SHISA9: variants seen among roughly 807,000 people sequenced by gnomAD.
SHISA9 encodes protein shisa-9.
SHISA9 carries 13 observed loss-of-function variants against 38.0 expected under a neutral mutation model. The observed-to-expected ratio is 0.34, with a 90% CI of 0.22 to 0.54. The LOEUF is 0.54. Ranked by LOEUF, SHISA9 falls within the 20% of genes least tolerant of loss-of-function variation. The probability of loss-of-function intolerance (pLI) is 0.91; values close to 1 mark genes in which losing one functional copy is unlikely to be tolerated. For synonymous variants in SHISA9, 275 were observed against 242.0 expected (o/e 1.14, Z -1.27); for missense variants, 538 against 575.8 (o/e 0.93, Z 0.67).
intron 2 of SHISA9, among the ~76,000 whole-genome samples, chr16:12,919,826 G>A (rs2071304972): frequency 6.6e-6 from 1 of 152,206 alleles, no homozygotes; most frequent in African/African-American, 2.4e-5. Context: ...TATTTAGTCT[G>A]ATAATCAAAA....
chr16:12,983,514 A>C (rs1466595819), intron 2 of SHISA9, among the ~76,000 whole-genome samples: 2 of 152,108 alleles, frequency 1.3e-5, no homozygotes, highest in African/African-American at 4.8e-5. Flanking sequence ...TTTGAGACGG[A>C]GTCTTGCCCT....
At chr16:12,908,979 G>A (rs2071143640) in intron 1 of SHISA9, 2 of 1,004,720 alleles carry the variant, frequency 2.0e-6, no homozygotes, top group African/African-American at 3.5e-5. Context: ...GAAAGAAATA[G>A]CAACAAATAA....
chr16:13,281,534 A>G, the SHISA9 span, among the ~76,000 whole-genome samples: 1 of 137,546 alleles, frequency 7.3e-6, no homozygotes, highest in Non-Finnish European at 1.6e-5. Flanking sequence ...GTTTTTTTCC[A>G]TTTTCAGTTT....
chr16:13,512,013 T>A, the SHISA9 span, among the ~76,000 whole-genome samples: 1 of 151,270 alleles, frequency 6.6e-6, no homozygotes, highest in South Asian at 2.1e-4. Flanking sequence ...CTGGGGAGAG[T>A]ACTTAGAAGG....
rs1397111068 is a variant in SHISA9 at position 13,020,212 on chromosome 16, G to C, written c.691+103397G>C. Among the ~76,000 whole-genome samples the C allele has an allele frequency of 2.0e-5, 3 of 151,576 alleles. No individual in the cohort carries two copies. In the East Asian group the frequency reaches 5.9e-4, roughly 30 times the overall value. ...TGGCTAATTTTGTATTTTTAGTGGA[G>C]ACAGGATTTCACCATGTTGGCCAGG... On this transcript the variant is annotated intron_variant, in intron 2 of 4. Coordinates refer to ENST00000558583, the MANE Select transcript of SHISA9 (RefSeq NM_001145204.3).
At chr16:13,536,681 G>A in the SHISA9 span, among the ~76,000 whole-genome samples, 1 of 152,182 alleles carries the variant, frequency 6.6e-6, no homozygotes, top group South Asian at 2.1e-4. Flanking sequence ...TACAAAGACA[G>A]TAGCCATGAG....
At chr16:13,385,129 T>C in the SHISA9 span, among the ~76,000 whole-genome samples, 45 of 152,276 alleles carry the variant, frequency 3.0e-4, no homozygotes, top group Admixed American at 2.4e-3. Flanking sequence ...TCAGAATCGT[T>C]AAAATAAAAA....
chr16:12,932,332 T>C (rs1478939247), intron 2 of SHISA9, among the ~76,000 whole-genome samples: 1 of 152,076 alleles, frequency 6.6e-6, no homozygotes, highest in Admixed American at 6.6e-5. Flanking sequence ...GCAAAGTGGG[T>C]AGGATTATCT....
intron 1 of SHISA9, among the ~76,000 whole-genome samples, chr16:12,914,608 C>T (rs546679028): frequency 9.9e-5 from 15 of 152,202 alleles, no homozygotes; most frequent in Admixed American, 7.2e-4. Flanking sequence ...CACAACGCAG[C>T]TGTTGTGAGA....
At chr16:13,070,635 C>T (rs368172884) in intron 2 of SHISA9, among the ~76,000 whole-genome samples, 5 of 152,132 alleles carry the variant, frequency 3.3e-5, no homozygotes, top group East Asian at 3.9e-4. Context: ...GAAGTGGGGG[C>T]GGGGCACCAG....
chr16:13,200,430 ACACACACACACAG>A (rs1039868867), intron 2 of SHISA9, among the ~76,000 whole-genome samples: 6 of 132,298 alleles, frequency 4.5e-5, no homozygotes, highest in South Asian at 2.2e-4. Context: ...ACACACACAC[ACACACACACACAG>A]CAGCAGCAGC....
chr16:13,136,351 C>G (rs1315530568), intron 2 of SHISA9, among the ~76,000 whole-genome samples: 4 of 147,964 alleles, frequency 2.7e-5, no homozygotes, highest in Admixed American at 6.8e-5. Flanking sequence ...TGTGCACTTT[C>G]TCTGCTTTCT....
chr16:13,115,975 C>G (rs536862761), intron 2 of SHISA9, among the ~76,000 whole-genome samples: 20 of 152,108 alleles, frequency 1.3e-4, no homozygotes, highest in Non-Finnish European at 2.6e-4. Flanking sequence ...AATTCAAATA[C>G]CATTTCCTGC....
the SHISA9 span, among the ~76,000 whole-genome samples, chr16:13,434,419 G>GGTTTTTTTTTTTTTTT: frequency 3.1e-5 from 2 of 64,564 alleles, no homozygotes; most frequent in African/African-American, 5.4e-5. Flanking sequence ...GACAAGCTAT[G>GGTTTTTTTTTTTTTTT]TTTTTTTTTT....
the SHISA9 span, among the ~76,000 whole-genome samples, chr16:13,260,015 T>C: frequency 1.9e-5 from 2 of 108,050 alleles, no homozygotes; most frequent in Admixed American, 9.3e-5. Context: ...TTCTTTTTTT[T>C]TTTTTTTTTT....
intron 2 of SHISA9, among the ~76,000 whole-genome samples, chr16:13,108,340 G>C (rs73520672): frequency 0.022 from 3,341 of 152,186 alleles, 136 homozygotes; most frequent in African/African-American, 0.077. Context: ...ATGTTACTCA[G>C]CCTGGTCTCA....
intron 2 of SHISA9, among the ~76,000 whole-genome samples, chr16:13,086,294 G>T (rs2073709487): frequency 1.4e-5 from 2 of 144,710 alleles, no homozygotes; most frequent in African/African-American, 5.3e-5. Flanking sequence ...GGCAGAGGTT[G>T]CAGTGAGCCG....
the SHISA9 span, among the ~76,000 whole-genome samples, chr16:13,415,540 A>G: frequency 3.3e-5 from 5 of 152,218 alleles, no homozygotes; most frequent in Non-Finnish European, 5.9e-5. Context: ...CTCCCATTAC[A>G]TAAGTTTACC....
intron 4 of SHISA9, 85 bp from the exon 5 acceptor site, chr16:13,234,945 T>C: frequency 2.8e-6 from 4 of 1,436,714 alleles, no homozygotes; most frequent in Non-Finnish European, 3.7e-6. Flanking sequence ...TGGGTTGACA[T>C]GCCAGTCTCT....
Sources: allele counts gnomAD v4.1 joint callset (sites outside exome capture counted in the v4.1 genomes callset), GRCh38; gene constraint gnomAD v4.1.1; transcripts MANE v1.5; gene names NCBI Gene and HGNC (gene_info 2026-07-23, HGNC 2026-07-21).